Variants in SLC30A5 observed in about 807,000 individuals in gnomAD.
SLC30A5 encodes solute carrier family 30 member 5.
A neutral mutation model predicts 79.6 loss-of-function variants in SLC30A5; 33 were observed. The ratio of observed to expected loss-of-function variants is 0.41; its 90% CI spans 0.31 to 0.55. The LOEUF is 0.55. Among genes scored for constraint, SLC30A5 ranks in the 20% least tolerant of loss-of-function variants. The probability of loss-of-function intolerance (pLI) is 0.20; values close to 1 mark genes in which losing one functional copy is unlikely to be tolerated. For missense variants in SLC30A5, 788 were observed against 928.1 expected (o/e 0.85, Z 1.96); for synonymous variants, 299 against 319.7 (o/e 0.94, Z 0.69).
At chr5:69,094,442 G>A in intron 1 of SLC30A5, 104 bp downstream of exon 1, 1 of 1,183,712 alleles carries the variant, frequency 8.4e-7, no homozygotes, top group Non-Finnish European at 1.1e-6. Flanking sequence ...TCCCGGGGTC[G>A]GCGCGCCCTC....
chr5:69,095,842 C>A (rs1166287103), intron 1 of SLC30A5, among the ~76,000 whole-genome samples: 1 of 151,548 alleles, frequency 6.6e-6, no homozygotes, highest in Non-Finnish European at 1.5e-5. Flanking sequence ...GGTGGATCAT[C>A]TGAGGTCAGG....
intron 5 of SLC30A5, among the ~76,000 whole-genome samples, chr5:69,109,983 T>C (rs1746187930): frequency 6.6e-6 from 1 of 152,182 alleles, no homozygotes; most frequent in Admixed American, 6.5e-5. Context: ...ATAGATTTAA[T>C]GACAAAGGCC....
At chr5:69,100,385 C>T (rs1342886555) in intron 1 of SLC30A5, among the ~76,000 whole-genome samples, 4 of 152,136 alleles carry the variant, frequency 2.6e-5, no homozygotes, top group Non-Finnish European at 5.9e-5. Context: ...TGCTACCACG[C>T]ACCATAATGC....
intron 5 of SLC30A5, 73 bp downstream of exon 5, chr5:69,108,509 C>A: frequency 8.8e-7 from 1 of 1,141,778 alleles, no homozygotes; most frequent in Non-Finnish European, 1.3e-6. Flanking sequence ...GGAATAAAAT[C>A]TTATCTTTCA....
chr5:69,127,455 C>A (rs1746728566), intron 14 of SLC30A5, among the ~76,000 whole-genome samples: 1 of 145,404 alleles, frequency 6.9e-6, no homozygotes, highest in Admixed American at 7.0e-5. Context: ...ATGGTGAAAC[C>A]CCATCTGTAC....
intron 11 of SLC30A5, 200 bp from the exon 12 acceptor site, chr5:69,118,299 G>GTATATATATGTGTA (rs1554053874): frequency 1.4e-5 from 2 of 141,694 alleles, no homozygotes; most frequent in East Asian, 4.5e-4. Flanking sequence ...TATATAACGT[G>GTATATATATGTGTA]TATATATATG....
chr5:69,101,013 C>G, intron 2 of SLC30A5, 84 bp downstream of exon 2: 1 of 1,325,722 alleles, frequency 7.5e-7, no homozygotes, highest in East Asian at 2.4e-5. Context: ...AGAAACTTTA[C>G]ATACAATATT....
intron 5 of SLC30A5, among the ~76,000 whole-genome samples, chr5:69,108,730 G>A (rs905978840): frequency 6.7e-6 from 1 of 149,588 alleles, no homozygotes; most frequent in African/African-American, 2.5e-5. Flanking sequence ...GCTGAGGCAT[G>A]AGAATTGCTT....
intron 7 of SLC30A5, 117 bp from the exon 8 acceptor site, chr5:69,115,119 AG>A: frequency 1.3e-6 from 1 of 780,662 alleles, no homozygotes; most frequent in East Asian, 2.6e-5. Context: ...TGGCAGAGCA[AG>A]ACCCTGTCTC....
chr5:69,114,526 A>G (rs1746311523), intron 7 of SLC30A5, 30 bp downstream of exon 7: 2 of 1,321,830 alleles, frequency 1.5e-6, no homozygotes, highest in Admixed American at 1.7e-5. Context: ...AACAGGATCA[A>G]AAGATTCTGA....
chr5:69,116,459 G>A lies in SLC30A5; in HGVS notation c.1138G>A (p.Glu380Lys). The A allele has an allele frequency of 6.2e-7, 1 of 1,612,930 alleles. No homozygotes were observed. The highest frequency in any genetic ancestry group is 8.5e-7 in the Non-Finnish European group (1 of 1,179,614). Reference protein sequence around the residue: ...QKGTLIGYSPEGTPLYNFMGD... With the variant: ...QKGTLIGYSPKGTPLYNFMGD... ...AGGTACCCTTATTGGATATTCTCCT[G>A]AAGGAACACCTCTTTATAACTTCAT... is the stretch of plus-strand genomic sequence containing the variant. Residue 380 changes from glutamate (E) to lysine (K), a missense_variant, in exon 10 of 16, where the codon GAA becomes AAA. Glu to Lys is a moderately conservative substitution (Grantham distance 56). Around this residue, in one of 3 missense-constraint regions of SLC30A5, gnomAD observed 626 missense variants for 755.5 expected, o/e 0.83. Coordinates refer to ENST00000396591, the MANE Select transcript of SLC30A5 (RefSeq NM_022902.5). The surrounding 1 kb of genome is among the most constrained non-coding windows in gnomAD (Gnocchi z 4.0).
In SLC30A5 at chr5:69,129,500, A is replaced by C. The variant is rs1232948066; in HGVS notation, c.2181A>C (p.Glu727Asp). Residue 727 changes from glutamate (E) to aspartate (D), a missense_variant, in exon 16 of 16, where the codon GAA becomes GAC. This residue lies in a region of SLC30A5 where 158 missense variants were observed against 156.2 expected (regional missense o/e 1.01). Coordinates refer to ENST00000396591, the MANE Select transcript of SLC30A5 (RefSeq NM_022902.5). ...AGVNNLTIQVEKEAYFQHMSG... is the reference protein window; with the variant it reads ...AGVNNLTIQVDKEAYFQHMSG... Reference sequence around the variant, plus strand: ...TAAACAATTTAACAATTCAAGTGGAAAAGGAGGCATACTTTCAACATATGT... The same window carrying C: ...TAAACAATTTAACAATTCAAGTGGACAAGGAGGCATACTTTCAACATATGT... The C allele has an allele frequency of 6.2e-7, 1 of 1,613,442 alleles. No homozygotes were observed. Among genetic ancestry groups the C allele is most frequent in the East Asian group, 2.2e-5 (1 of 44,798 alleles).
chr5:69,106,107 C>T (rs1746073621), intron 4 of SLC30A5, among the ~76,000 whole-genome samples: 1 of 152,066 alleles, frequency 6.6e-6, no homozygotes, highest in African/African-American at 2.4e-5. Flanking sequence ...GTGAAAAGTC[C>T]TTTCCCCTCT....
intron 15 of SLC30A5, 23 bp downstream of exon 15, chr5:69,128,155 A>G (rs754659732): frequency 2.5e-6 from 4 of 1,587,514 alleles, no homozygotes; most frequent in Admixed American, 3.5e-5. Context: ...TTTTAAAGTA[A>G]TTTTAATTGA....
chr5:69,112,596 G>A (rs1332423381), intron 5 of SLC30A5, among the ~76,000 whole-genome samples: 6 of 150,446 alleles, frequency 4.0e-5, no homozygotes, highest in African/African-American at 7.3e-5. Context: ...GGGCGACAGC[G>A]AGATCTGTCT....
At chr5:69,118,325 G>GTGTATATATTTATATATATATATATATA (rs60416809) in intron 11 of SLC30A5, 174 bp from the exon 12 acceptor site, 1 of 188,328 alleles carries the variant, frequency 5.3e-6, no homozygotes, top group Non-Finnish European at 1.0e-5. Flanking sequence ...ATATATATAT[G>GTGTATATATTTATATATATATATATATA]TATATATATA....
rs1194871450 is a variant in SLC30A5, at chr5:69,116,052, T to C, written c.910T>C (p.Tyr304His). 4.3e-6 allele frequency: 7 copies of C among 1,614,204 alleles called. No homozygotes were observed. The highest frequency in any genetic ancestry group is 5.9e-6 in the Non-Finnish European group (7 of 1,180,036). The change falls in exon 9 of 16, where the codon TAT becomes CAT. Residue 304 changes from tyrosine (Y) to histidine (H), a missense_variant. Transcript: ENST00000396591. The surrounding 1 kb of genome is among the most constrained non-coding windows in gnomAD (Gnocchi z 4.0). Reference protein sequence around the residue: ...VKMEVSKCARYGSFPIFISAL... With the variant: ...VKMEVSKCARHGSFPIFISAL... ...AATGGAAGTTTCCAAATGTGCTCGT[T>C]ATGGATCCTTTCCCATTTTTATTAG...
intron 3 of SLC30A5, chr5:69,103,966 T>C (rs1746006440): frequency 6.4e-7 from 1 of 1,552,262 alleles, no homozygotes; most frequent in South Asian, 1.2e-5. Flanking sequence ...TTTCAGATAA[T>C]TGGATCACTA....
chr5:69,115,536 C>T (rs962415963), intron 8 of SLC30A5, 129 bp downstream of exon 8: 12 of 752,260 alleles, frequency 1.6e-5, no homozygotes, highest in East Asian at 5.8e-5. Context: ...ATTGTCTTTG[C>T]TTTTTCTTTG....
Sources: allele counts gnomAD v4.1 joint callset (sites outside exome capture counted in the v4.1 genomes callset), GRCh38; gene constraint gnomAD v4.1.1; regional missense constraint gnomAD v4.1.1; non-coding constraint Gnocchi (gnomAD v3.1); transcripts MANE v1.5; gene names NCBI Gene and HGNC (gene_info 2026-07-23, HGNC 2026-07-21).